The following TRPM3 variants were observed in gnomAD, a reference collection of about 807,000 sequenced individuals.
TRPM3 encodes the protein long transient receptor potential channel 3.
TRPM3 carries 77 observed loss-of-function variants against 181.2 expected under a neutral mutation model. The ratio of observed to expected loss-of-function variants is 0.42; its 90% CI spans 0.35 to 0.51. The LOEUF (loss-of-function observed/expected upper bound fraction) is 0.51. TRPM3 is among the 20% of genes least tolerant of loss of function. The pLI, the probability that TRPM3 is intolerant of heterozygous loss-of-function variation, is 0.01. For missense variants in TRPM3, 1,759 were observed against 2,196.7 expected (o/e 0.80, Z 3.98); for synonymous variants, 745 against 796.4 (o/e 0.94, Z 1.09).
chr9:70,666,912 G>A (rs2061923309), intron 9 of TRPM3, among the ~76,000 whole-genome samples: 1 of 151,668 alleles, frequency 6.6e-6, no homozygotes, highest in Admixed American at 6.6e-5. Flanking sequence ...CCTTAATTTT[G>A]TATTAATGCT....
At chr9:71,058,459 C>T (rs959964749) in intron 1 of TRPM3, among the ~76,000 whole-genome samples, 17 of 152,014 alleles carry the variant, frequency 1.1e-4, no homozygotes, top group African/African-American at 2.9e-4. Context: ...AGTCTCTTGA[C>T]GGAGACAGTG....
intron 6 of TRPM3, among the ~76,000 whole-genome samples, chr9:70,814,507 T>G (rs62545997): frequency 0.03 from 4,549 of 152,250 alleles, 92 homozygotes; most frequent in Middle Eastern, 0.058. Flanking sequence ...CCTAAAGGGG[T>G]AAAATAATTT....
rs141930513 is a variant in TRPM3 at position 71,377,570 on chromosome 9, T to G, written c.183+69083A>C. Among the ~76,000 whole-genome samples, 145 of 152,250 alleles carry G rather than the reference T, an allele frequency of 9.5e-4. 2 individuals are homozygous for G. The highest frequency in any genetic ancestry group is 6.0e-3 in the South Asian group (29 of 4,832). On this transcript the variant is annotated intron_variant, in intron 1 of 24. Coordinates refer to the TRPM3 transcript ENST00000357533. Reference sequence around the variant, plus strand: ...CTCTCATCTCTCAGAGTTTCTTTCTTGGTATGTTATTCTCCAGGTGTGGCT... The same window carrying G: ...CTCTCATCTCTCAGAGTTTCTTTCTGGGTATGTTATTCTCCAGGTGTGGCT...
intron 1 of TRPM3, among the ~76,000 whole-genome samples, chr9:71,015,200 C>T (rs776740170): frequency 1.1e-4 from 16 of 152,104 alleles, no homozygotes; most frequent in Non-Finnish European, 1.9e-4. Flanking sequence ...AATTATTGTA[C>T]CTTTAAGACT....
At chr9:70,841,932 G>A (rs2094694174) in intron 5 of TRPM3, among the ~76,000 whole-genome samples, 2 of 151,930 alleles carry the variant, frequency 1.3e-5, no homozygotes, top group Non-Finnish European at 1.5e-5. Context: ...CACTACAAAA[G>A]TGGGAGGGGT....
intron 8 of TRPM3, among the ~76,000 whole-genome samples, chr9:70,690,733 C>T (rs962566291): frequency 6.6e-6 from 1 of 151,988 alleles, no homozygotes; most frequent in South Asian, 2.1e-4. Flanking sequence ...CATCAAGATA[C>T]GAAATGATAC....
chr9:70,936,164 C>T (rs1338378301), intron 1 of TRPM3, among the ~76,000 whole-genome samples: 1 of 152,152 alleles, frequency 6.6e-6, no homozygotes, highest in African/African-American at 2.4e-5. Context: ...AACTTGATTG[C>T]ATAACAAATG....
chr9:71,407,203 C>A (rs973914543), intron 1 of TRPM3, among the ~76,000 whole-genome samples: 6 of 152,182 alleles, frequency 3.9e-5, no homozygotes, highest in Non-Finnish European at 8.8e-5. Context: ...ACTGAGGTAC[C>A]GGGTTCATCT....
intron 8 of TRPM3, among the ~76,000 whole-genome samples, chr9:70,759,457 A>G (rs1205060022): frequency 6.6e-6 from 1 of 152,250 alleles, no homozygotes; most frequent in Non-Finnish European, 1.5e-5. Flanking sequence ...CAGAAATACC[A>G]TTTGAACCAG....
At chr9:71,075,402 G>A (rs538512227) in intron 1 of TRPM3, among the ~76,000 whole-genome samples, 1 of 152,292 alleles carries the variant, frequency 6.6e-6, no homozygotes, top group South Asian at 2.1e-4. Flanking sequence ...GTCAAGTGGA[G>A]GGGGTTGAGT....
intron 1 of TRPM3, among the ~76,000 whole-genome samples, chr9:71,200,724 T>C (rs1321998141): frequency 1.3e-5 from 2 of 152,230 alleles, no homozygotes; most frequent in Non-Finnish European, 2.9e-5. Context: ...TCCATTTGCT[T>C]GGTAGATCTT....
At chr9:70,947,988 T>A (rs1407346653) in intron 1 of TRPM3, among the ~76,000 whole-genome samples, 1 of 152,154 alleles carries the variant, frequency 6.6e-6, no homozygotes, top group Non-Finnish European at 1.5e-5. Flanking sequence ...ATTGTTCCTG[T>A]TTTTCTGTTA....
chr9:71,352,517 G>A (rs2091699367), intron 1 of TRPM3, among the ~76,000 whole-genome samples: 1 of 152,078 alleles, frequency 6.6e-6, no homozygotes, highest in African/African-American at 2.4e-5. Context: ...TTTGACCTAG[G>A]CAGTTAGTGC....
intron 1 of TRPM3, among the ~76,000 whole-genome samples, chr9:71,413,019 G>A (rs915273624): frequency 6.6e-6 from 1 of 152,066 alleles, no homozygotes; most frequent in African/African-American, 2.4e-5. Context: ...AACACCGCAT[G>A]TTCTCACTCA....
intron 1 of TRPM3, among the ~76,000 whole-genome samples, chr9:71,387,090 C>T (rs989063670): frequency 3.3e-5 from 5 of 151,750 alleles, no homozygotes; most frequent in African/African-American, 7.3e-5. Flanking sequence ...GGAAAGAGAC[C>T]GAGTATGAAT....
chr9:71,219,171 AAAG>A (rs1390150662), intron 1 of TRPM3, among the ~76,000 whole-genome samples: 1 of 152,140 alleles, frequency 6.6e-6, no homozygotes, highest in Admixed American at 6.5e-5. Flanking sequence ...CCAAACGTTA[AAAG>A]AAGGTTGTGT....
intron 18 of TRPM3, among the ~76,000 whole-genome samples, chr9:70,611,771 C>T (rs2062033796): frequency 6.6e-6 from 1 of 152,198 alleles, no homozygotes; most frequent in Non-Finnish European, 1.5e-5. Flanking sequence ...CTACGTGGGA[C>T]TAGGAGAAGG....
intron 1 of TRPM3, among the ~76,000 whole-genome samples, chr9:71,045,692 T>A (rs1020040780): frequency 2.6e-5 from 4 of 152,168 alleles, no homozygotes; most frequent in Non-Finnish European, 5.9e-5. Context: ...AAGGAGAGAC[T>A]TGGGAAAGTA....
intron 1 of TRPM3, among the ~76,000 whole-genome samples, chr9:71,045,618 T>A (rs1259190832): frequency 1.3e-5 from 2 of 152,146 alleles, no homozygotes; most frequent in African/African-American, 4.8e-5. Context: ...GGGGGACAGA[T>A]GAGGCATAAA....
Sources: gnomAD v4.1 joint callset for allele counts (sites outside exome capture counted in the v4.1 genomes callset) on GRCh38, gnomAD v4.1.1 for gene constraint, MANE v1.5 for transcripts, NCBI Gene and HGNC (gene_info 2026-07-23, HGNC 2026-07-21) for gene names.